The following IQCM variants were observed in gnomAD, a reference collection of about 807,000 sequenced individuals.
IQCM encodes IQ domain-containing protein M.
Under a neutral mutation model 57.6 loss-of-function variants are expected in IQCM, and 45 were observed. That is an observed-to-expected ratio of 0.78 (90% confidence interval 0.62 to 1.00). The LOEUF (loss-of-function observed/expected upper bound fraction) is 1.00, where lower values mean the gene tolerates loss of function less well. Ranked by LOEUF, IQCM falls within the 50% of genes least tolerant of loss-of-function variation. IQCM has a pLI of 0.00. For missense variants in IQCM, 468 were observed against 511.6 expected (o/e 0.91, Z 0.82); for synonymous variants, 148 against 158.9 (o/e 0.93, Z 0.51).
intron 8 of IQCM, among the ~76,000 whole-genome samples, chr4:149,613,096 T>C (rs1279538116): frequency 2.6e-5 from 4 of 152,036 alleles, no homozygotes; most frequent in African/African-American, 4.8e-5. Flanking sequence ...TGCTAATTCA[T>C]AGAAATGTCA....
chr4:149,474,634 T>C (rs1739980286), intron 12 of IQCM, among the ~76,000 whole-genome samples: 2 of 151,624 alleles, frequency 1.3e-5, no homozygotes, highest in South Asian at 4.2e-4. Flanking sequence ...GGAGAATCGC[T>C]TGAACTCGGG....
intron 2 of IQCM, among the ~76,000 whole-genome samples, chr4:149,813,832 C>T (rs1774813018): frequency 6.6e-6 from 1 of 151,944 alleles, no homozygotes; most frequent in South Asian, 2.1e-4. Flanking sequence ...CCAACAGGTG[C>T]CAAAATTATT....
intron 2 of IQCM, 55 bp downstream of exon 2, chr4:149,815,256 A>C (rs892418607): frequency 6.6e-6 from 1 of 151,938 alleles, no homozygotes; most frequent in Non-Finnish European, 1.5e-5. Context: ...TCAGACACTG[A>C]CCAAGGGGCC....
At chr4:149,668,502 C>T (rs545682407) in intron 7 of IQCM, among the ~76,000 whole-genome samples, 1 of 152,180 alleles carries the variant, frequency 6.6e-6, no homozygotes, top group South Asian at 2.1e-4. Flanking sequence ...TCAACATTGC[C>T]TCTCAGGGCA....
At chr4:149,601,917 G>T (rs1000706307) in intron 8 of IQCM, among the ~76,000 whole-genome samples, 1 of 151,674 alleles carries the variant, frequency 6.6e-6, no homozygotes, top group Non-Finnish European at 1.5e-5. Flanking sequence ...AGTCAGGCGT[G>T]GTGGCTGTCG....
chr4:149,767,333 T>A (rs1770156243), intron 2 of IQCM, among the ~76,000 whole-genome samples: 1 of 152,084 alleles, frequency 6.6e-6, no homozygotes, highest in Non-Finnish European at 1.5e-5. Flanking sequence ...TGAGAAAACT[T>A]GATACACACA....
At chr4:149,724,857 A>G (rs1178563210) in intron 5 of IQCM, among the ~76,000 whole-genome samples, 1 of 152,044 alleles carries the variant, frequency 6.6e-6, no homozygotes. Context: ...ATATATTACA[A>G]AAACATTGAT....
intron 13 of IQCM, among the ~76,000 whole-genome samples, chr4:149,384,446 T>C (rs1213061134): frequency 6.6e-6 from 1 of 152,154 alleles, no homozygotes; most frequent in African/African-American, 2.4e-5. Context: ...TCTTAATCAC[T>C]AGATACTACT....
chr4:149,794,880 C>T (rs1482890904), intron 2 of IQCM, among the ~76,000 whole-genome samples: 1 of 151,956 alleles, frequency 6.6e-6, no homozygotes, highest in African/African-American at 2.4e-5. Flanking sequence ...TACAAAGAGG[C>T]AGGAAACTAA....
At chr4:149,498,595 C>T (rs775511643) in intron 12 of IQCM, among the ~76,000 whole-genome samples, 6 of 152,086 alleles carry the variant, frequency 3.9e-5, no homozygotes, top group East Asian at 1.9e-4. Context: ...AACCATATCT[C>T]GATCAGGAAA....
Position 149,781,195 on chromosome 4 carries a change from T to C in IQCM, c.-49+34116A>G, listed in dbSNP as rs78777270. ...ATCTTCACTGCAGGCCCCTGAACTA[T>C]TGTATACAGTAATTGTCCTTATCCA... On this transcript the variant is annotated intron_variant, in intron 2 of 13. Coordinates refer to ENST00000636793, the MANE Select transcript of IQCM (RefSeq NM_001363507.2). Among the ~76,000 whole-genome samples, 1,019 of 152,300 alleles carry C rather than the reference T, an allele frequency of 6.7e-3. 12 individuals are homozygous for C. The highest frequency in any genetic ancestry group is 0.023 in the African/African-American group (960 of 41,564).
chr4:149,495,641 T>C (rs183546090), intron 12 of IQCM, among the ~76,000 whole-genome samples: 2 of 152,014 alleles, frequency 1.3e-5, no homozygotes, highest in African/African-American at 4.8e-5. Flanking sequence ...AAAGCTACTT[T>C]GAGGAGGGCA....
At chr4:149,425,063 AAAT>A (rs1226973637) in intron 13 of IQCM, among the ~76,000 whole-genome samples, 1 of 152,032 alleles carries the variant, frequency 6.6e-6, no homozygotes, top group African/African-American at 2.4e-5. Context: ...CCTCTTTAGG[AAAT>A]AATATCTCTC....
At chr4:149,666,150 C>T (rs1322848231) in intron 7 of IQCM, 1 of 152,744 alleles carries the variant, frequency 6.5e-6, no homozygotes, top group African/African-American at 2.4e-5. Context: ...GTAAGATGGC[C>T]AAATAGGAAC....
At chr4:149,763,434 A>G (rs979233400) in intron 2 of IQCM, among the ~76,000 whole-genome samples, 2 of 152,076 alleles carry the variant, frequency 1.3e-5, no homozygotes, top group Non-Finnish European at 1.5e-5. Context: ...CTAGAGGAGA[A>G]AAAGAGGCTT....
intron 12 of IQCM, among the ~76,000 whole-genome samples, chr4:149,482,768 G>T (rs1444296055): frequency 1.3e-5 from 2 of 150,962 alleles, no homozygotes; most frequent in African/African-American, 2.4e-5. Flanking sequence ...TTTGGTTTTG[G>T]TATCAGGGTA....
chr4:149,792,513 A>G (rs961435930), intron 2 of IQCM, among the ~76,000 whole-genome samples: 4 of 152,174 alleles, frequency 2.6e-5, no homozygotes, highest in African/African-American at 9.6e-5. Flanking sequence ...GTTTACACCA[A>G]TTCATCACAG....
At chr4:149,426,883 A>G (rs538363831) in intron 13 of IQCM, among the ~76,000 whole-genome samples, 1 of 152,092 alleles carries the variant, frequency 6.6e-6, no homozygotes, top group South Asian at 2.1e-4. Context: ...AGCATGAACC[A>G]GGAACCACAT....
At chr4:149,788,057 C>T (rs965613948) in intron 2 of IQCM, among the ~76,000 whole-genome samples, 26 of 152,108 alleles carry the variant, frequency 1.7e-4, no homozygotes, top group Non-Finnish European at 2.6e-4. Flanking sequence ...ACAGGCCAGG[C>T]GCAGTGGGGC....
Sources: gnomAD v4.1 joint callset for allele counts (sites outside exome capture counted in the v4.1 genomes callset) on GRCh38, gnomAD v4.1.1 for gene constraint, MANE v1.5 for transcripts, NCBI Gene and HGNC (gene_info 2026-07-23, HGNC 2026-07-21) for gene names.